DNAJC10: variants seen among roughly 807,000 people sequenced by gnomAD.
DNAJC10 encodes the protein DnaJ heat shock protein family (Hsp40) member C10.
A neutral mutation model predicts 115.0 loss-of-function variants in DNAJC10; 101 were observed. The ratio of observed to expected loss-of-function variants is 0.88; its 90% CI spans 0.75 to 1.04. The LOEUF (loss-of-function observed/expected upper bound fraction) is 1.04. Among genes scored for constraint, DNAJC10 ranks in the 50% least tolerant of loss-of-function variants. The pLI is 0.00. For synonymous variants in DNAJC10, 307 were observed against 301.5 expected, an observed-to-expected ratio of 1.02 and a Z score of -0.19; for missense variants, 981 against 928.8, an observed-to-expected ratio of 1.06 and a Z score of -0.73.
rs965299313 is a variant in DNAJC10 at position 182,720,162 on chromosome 2, T to C, written c.360T>C (p.Tyr120=). ...ATGAAAGCTGGAACTATTATCGTTA[T>C]GATTTTGGTAAGGTGATACGATATT... ...GQYESWNYYR[Y]DFGIYDDDPE... The change falls in exon 4 of 24, where the codon TAT becomes TAC. Residue 120 remains tyrosine, a synonymous_variant. Transcript: ENST00000264065. The C allele has an allele frequency of 4.4e-6, 7 of 1,606,530 alleles. No individual in the cohort carries two copies. Among genetic ancestry groups the C allele is most frequent in the Non-Finnish European group, 5.9e-6 (7 of 1,177,416 alleles).
Position 182,790,801 on chromosome 2 carries a change from A to T in DNAJC10, c.*13669A>T, listed in dbSNP as rs1416698517. On this transcript the variant is annotated 3_prime_UTR_variant, in exon 24 of 24. Coordinates refer to ENST00000264065, the MANE Select transcript of DNAJC10 (RefSeq NM_018981.4). ...TGAAACTCTATCTCAAAAAAAAAAA[A>T]AAAAATTACAATAGTAATAATTATG... The T allele has an allele frequency of 2.0e-5, 3 of 151,990 alleles. No homozygotes were observed. Among genetic ancestry groups the T allele is most frequent in the African/African-American group, 7.2e-5 (3 of 41,392 alleles). The allele number at this position is 151,990 out of a possible 1,614,324, so 9.4% of individuals were successfully genotyped here.
At chr2:182,749,322 T>C (rs1429430007) in intron 14 of DNAJC10, among the ~76,000 whole-genome samples, 1 of 141,384 alleles carries the variant, frequency 7.1e-6, no homozygotes, top group Non-Finnish European at 1.5e-5. Flanking sequence ...AGGACTTGCT[T>C]TATGAATCTG....
At chr2:182,728,391 TTTTAA>T (rs1270412102) in intron 5 of DNAJC10, among the ~76,000 whole-genome samples, 180 bp from the exon 6 acceptor site, 1 of 152,140 alleles carries the variant, frequency 6.6e-6, no homozygotes, top group Non-Finnish European at 1.5e-5. Context: ...GAAAAAAAAT[TTTTAA>T]TTTTTTAAAA....
intron 22 of DNAJC10, among the ~76,000 whole-genome samples, chr2:182,771,998 C>T (rs1272466869): frequency 1.3e-5 from 2 of 152,110 alleles, no homozygotes; most frequent in Admixed American, 1.3e-4. Context: ...TAGCTGTGTC[C>T]CAGAGATTCT....
At chr2:182,761,812 C>T (rs1292706081) in intron 21 of DNAJC10, among the ~76,000 whole-genome samples, 2 of 151,904 alleles carry the variant, frequency 1.3e-5, no homozygotes, top group African/African-American at 2.4e-5. Flanking sequence ...CCACCTTGGG[C>T]ACCTGTTCAC....
chr2:182,775,387 G>T lies in DNAJC10; in HGVS notation c.2337G>T (p.Leu779Phe). The T allele has an allele frequency of 4.3e-6, 7 of 1,612,922 alleles. No homozygotes were observed. The highest frequency in any genetic ancestry group is 5.9e-6 in the Non-Finnish European group (7 of 1,179,368). Residue 779 changes from leucine (L) to phenylalanine (F), a missense_variant, in exon 23 of 24, where the codon TTG becomes TTT. Coordinates refer to ENST00000264065, the MANE Select transcript of DNAJC10 (RefSeq NM_018981.4). ...TCGCTGCCTTAATAAGTGAAAAATTGGAAACTCTCCGAAATCAAGGCAAGA... is the reference window on the plus strand; with the variant it reads ...TCGCTGCCTTAATAAGTGAAAAATTTGAAACTCTCCGAAATCAAGGCAAGA... ...KAIAALISEK[L>F]ETLRNQGKRN... is the part of the protein sequence containing the mutation.
At position 182,783,404 on chromosome 2, in the gene DNAJC10, A is replaced by G. The variant is rs1264287530; in HGVS notation, c.*6272A>G. 1.3e-5 allele frequency: 2 copies of G among 152,210 alleles called. No homozygotes were observed. The highest frequency in any genetic ancestry group is 2.4e-5 in the African/African-American group (1 of 41,462). 9.4% of individuals were successfully genotyped at this position (152,210 alleles called of 1,614,324 possible). The stretch of plus-strand genomic sequence containing the variant: ...TTTCTCAAGTCATTAGATAAAGTAT[A>G]TGGCGTTAAGGCAAAAAATACATAT... On this transcript the variant is annotated 3_prime_UTR_variant, in exon 24 of 24. Transcript: ENST00000264065.
intron 14 of DNAJC10, among the ~76,000 whole-genome samples, 165 bp from the exon 15 acceptor site, chr2:182,751,493 T>A (rs1694017412): frequency 6.6e-6 from 1 of 152,168 alleles, no homozygotes; most frequent in Admixed American, 6.5e-5. Context: ...AGGGTGCTCC[T>A]ATCAGAGCTA....
chr2:182,729,040 C>T (rs1559000133), intron 7 of DNAJC10, 46 bp downstream of exon 7: 1 of 1,580,940 alleles, frequency 6.3e-7, no homozygotes, highest in African/African-American at 1.4e-5. Context: ...AACATTATGA[C>T]AAGTTAAATA....
chr2:182,761,318 A>T (rs1694279281), intron 21 of DNAJC10, among the ~76,000 whole-genome samples: 1 of 152,162 alleles, frequency 6.6e-6, no homozygotes, highest in African/African-American at 2.4e-5. Context: ...CAAGTAAGCA[A>T]ATATACAAAC....
Position 182,759,168 on chromosome 2 carries a change from C to A in DNAJC10, c.2006C>A (p.Pro669His). 1 of 1,572,624 alleles carries A rather than the reference C, an allele frequency of 6.4e-7. No individual in the cohort carries two copies. Among genetic ancestry groups the A allele is most frequent in the Non-Finnish European group, 8.6e-7 (1 of 1,166,766 alleles). Residue 669 changes from proline to histidine, a missense_variant, in exon 21 of 24, where the codon CCT becomes CAT. Coordinates refer to ENST00000264065, the MANE Select transcript of DNAJC10 (RefSeq NM_018981.4). ...TTGATCATTTGCCACAGATTTTTACCTCAAGTATCCACAGATCTAACACCT... is the reference window on the plus strand; with the variant it reads ...TTGATCATTTGCCACAGATTTTTACATCAAGTATCCACAGATCTAACACCT... ...SLRIWGLGFL[P>H]QVSTDLTPQT...
Position 182,792,476 on chromosome 2 carries a change from T to C in DNAJC10, c.*15344T>C, listed in dbSNP as rs1269727239. ...CCTTTTCAGCTTCCTGTTTTGTCCC[T>C]CAATGTTCACAAAAGTCCCATCTGA... On this transcript the variant is annotated 3_prime_UTR_variant, in exon 24 of 24. Coordinates refer to ENST00000264065, the MANE Select transcript of DNAJC10 (RefSeq NM_018981.4). The C allele has an allele frequency of 1.3e-5, 2 of 152,240 alleles. No homozygotes were observed. Among genetic ancestry groups the C allele is most frequent in the Non-Finnish European group, 2.9e-5 (2 of 68,042 alleles). The allele number at this position is 152,240 out of a possible 1,614,324, so 9.4% of individuals were successfully genotyped here.
intron 23 of DNAJC10, among the ~76,000 whole-genome samples, chr2:182,776,768 A>C (rs1462577583): frequency 6.6e-6 from 1 of 152,214 alleles, no homozygotes; most frequent in Non-Finnish European, 1.5e-5. Flanking sequence ...TTTTCTCAAG[A>C]TATTTTATTT....
chr2:182,739,168 A>G (rs999776118), intron 11 of DNAJC10, among the ~76,000 whole-genome samples: 1 of 145,476 alleles, frequency 6.9e-6, no homozygotes, highest in African/African-American at 2.5e-5. Context: ...TTTATGATAT[A>G]TATATATATA....
chr2:182,718,804 T>C (rs1355096710), intron 3 of DNAJC10, among the ~76,000 whole-genome samples: 5 of 152,230 alleles, frequency 3.3e-5, no homozygotes, highest in Non-Finnish European at 5.9e-5. Context: ...ATGCCAGTCA[T>C]AAATATTTAT....
At chr2:182,726,376 G>T (rs774810399) in intron 5 of DNAJC10, among the ~76,000 whole-genome samples, 15 of 152,098 alleles carry the variant, frequency 9.9e-5, no homozygotes, top group Non-Finnish European at 1.6e-4. Context: ...TCCTGAGATG[G>T]AACCTACTCC....
At chr2:182,767,594 C>T (rs1308754188) in intron 22 of DNAJC10, among the ~76,000 whole-genome samples, 1 of 152,036 alleles carries the variant, frequency 6.6e-6, no homozygotes, top group Admixed American at 6.6e-5. Context: ...GTCGAGGGCA[C>T]CACTTGCAGA....
chr2:182,741,289 A>G lies in DNAJC10; in HGVS notation c.1124A>G (p.Lys375Arg). Residue 375 changes from lysine to arginine, a missense_variant, in exon 13 of 24, where the codon AAA becomes AGA. By Grantham distance (26) the Lys-to-Arg change is conservative. Transcript: ENST00000264065. ...TGGCTGTTATTTTTTCATTTTGGAA[A>G]AAATGAAAATTCAAATGATCCTGAG... ...HRWLLFFHFG[K>R]NENSNDPELK... is the part of the protein sequence containing the mutation. 1 of 1,606,108 alleles carries G rather than the reference A, an allele frequency of 6.2e-7. No individual in the cohort carries two copies. Among genetic ancestry groups the G allele is most frequent in the Non-Finnish European group, 8.5e-7 (1 of 1,177,458 alleles).
intron 22 of DNAJC10, among the ~76,000 whole-genome samples, chr2:182,764,415 A>C (rs1694360610): frequency 6.6e-6 from 1 of 152,114 alleles, no homozygotes; most frequent in Admixed American, 6.6e-5. Flanking sequence ...AAGTGGCCAG[A>C]AATCTTATTT....
Sources: gnomAD v4.1 joint callset for allele counts (sites outside exome capture counted in the v4.1 genomes callset) on GRCh38, gnomAD v4.1.1 for gene constraint, MANE v1.5 for transcripts, NCBI Gene and HGNC (gene_info 2026-07-23, HGNC 2026-07-21) for gene names.